KIAA1549L: variants seen among roughly 807,000 people sequenced by gnomAD.
KIAA1549L encodes the protein KIAA1549 like.
A neutral mutation model predicts 160.7 loss-of-function variants in KIAA1549L; 88 were observed. That is an observed-to-expected ratio of 0.55 (90% CI 0.46 to 0.65). The LOEUF is 0.65. KIAA1549L is among the 30% of genes least tolerant of loss of function. The probability of loss-of-function intolerance (pLI) is 0.00; values close to 1 mark genes in which losing one functional copy is unlikely to be tolerated. For synonymous variants in KIAA1549L, 950 were observed against 976.7 expected, an observed-to-expected ratio of 0.97 and a Z score of 0.51; for missense variants, 2,258 against 2,437.5, an observed-to-expected ratio of 0.93 and a Z score of 1.55.
At chr11:33,562,141 A>G (rs1403314292) in intron 8 of KIAA1549L, among the ~76,000 whole-genome samples, 2 of 152,234 alleles carry the variant, frequency 1.3e-5, no homozygotes, top group East Asian at 3.9e-4. Context: ...CTCTGGCACA[A>G]CATGTACCCA....
At chr11:33,655,403 C>A (rs1852030565) in intron 17 of KIAA1549L, among the ~76,000 whole-genome samples, 1 of 152,160 alleles carries the variant, frequency 6.6e-6, no homozygotes, top group African/African-American at 2.4e-5. Flanking sequence ...CACATACGTC[C>A]TCACTCCAAA....
At chr11:33,442,502 G>T (rs1327577111) in intron 1 of KIAA1549L, among the ~76,000 whole-genome samples, 1 of 152,176 alleles carries the variant, frequency 6.6e-6, no homozygotes, top group Non-Finnish European at 1.5e-5. Context: ...ACTCTTTGAA[G>T]ATGTATTTTT....
In KIAA1549L at chr11:33,532,006, G is replaced by A. The variant is rs148735291; in HGVS notation, c.239-9796G>A. 3.5e-4 allele frequency among the ~76,000 whole-genome samples: 54 copies of A among 152,274 alleles called. No homozygotes were observed. In the Middle Eastern group the frequency reaches 0.017, roughly 48 times the overall value. On this transcript the variant is annotated intron_variant, in intron 1 of 20. Transcript: ENST00000658780. ...AGACCACTCTGGGAGAGTGGAGCCC[G>A]CCCCAGATCTGGAGATGGAGGAAGA... is the stretch of plus-strand genomic sequence containing the variant.
chr11:33,472,346 C>T (rs1433332794), intron 1 of KIAA1549L, among the ~76,000 whole-genome samples: 1 of 147,478 alleles, frequency 6.8e-6, no homozygotes, highest in Non-Finnish European at 1.5e-5. Context: ...GTCTCAAACT[C>T]CTGGCCTCAA....
intron 6 of KIAA1549L, among the ~76,000 whole-genome samples, chr11:33,552,613 A>G (rs1365549515): frequency 1.1e-4 from 17 of 149,664 alleles, no homozygotes; most frequent in Admixed American, 1.1e-3. Context: ...GATTTTATGC[A>G]TTGGCTTATA....
chr11:33,614,460 T>G (rs10836081), intron 15 of KIAA1549L, among the ~76,000 whole-genome samples: 48,233 of 138,434 alleles, frequency 0.35, 8,899 homozygotes, highest in Middle Eastern at 0.52. Flanking sequence ...CCAAAAGTAT[T>G]CAATCAAAAT....
intron 13 of KIAA1549L, among the ~76,000 whole-genome samples, chr11:33,600,000 T>C (rs1190009866): frequency 6.6e-6 from 1 of 152,158 alleles, no homozygotes; most frequent in African/African-American, 2.4e-5. Flanking sequence ...CACTTTTATT[T>C]TTTTTTTCCG....
intron 8 of KIAA1549L, among the ~76,000 whole-genome samples, chr11:33,562,754 C>T (rs1275006789): frequency 6.6e-6 from 1 of 150,628 alleles, no homozygotes; most frequent in Non-Finnish European, 1.5e-5. Context: ...TCTCGGCTCA[C>T]TGCAACCTCC....
intron 1 of KIAA1549L, among the ~76,000 whole-genome samples, chr11:33,455,636 G>T (rs1851806893): frequency 6.6e-6 from 1 of 152,146 alleles, no homozygotes; most frequent in African/African-American, 2.4e-5. Context: ...ATGATTTCCT[G>T]GGTATAATGT....
chr11:33,509,059 T>C (rs368301114), intron 1 of KIAA1549L, among the ~76,000 whole-genome samples: 2 of 152,314 alleles, frequency 1.3e-5, no homozygotes, highest in South Asian at 4.1e-4. Flanking sequence ...TCTGTGACCT[T>C]GACATCCTAA....
intron 1 of KIAA1549L, among the ~76,000 whole-genome samples, chr11:33,511,107 A>G (rs1853218505): frequency 6.6e-6 from 1 of 152,212 alleles, no homozygotes; most frequent in African/African-American, 2.4e-5. Context: ...AGCCAATCAG[A>G]TGTACTTCTG....
chr11:33,653,968 T>A (rs915519850), intron 17 of KIAA1549L, among the ~76,000 whole-genome samples: 4 of 143,954 alleles, frequency 2.8e-5, no homozygotes, highest in African/African-American at 1.0e-4. Flanking sequence ...ATCTGTCTGG[T>A]CAATTATTAT....
In KIAA1549L at chr11:33,552,149, A is replaced by G. The variant is rs776073749; in HGVS notation, c.3763A>G (p.Lys1255Glu). ...VSQADNIQSCKFAQTMEQRLQ... is the reference protein window; with the variant it reads ...VSQADNIQSCEFAQTMEQRLQ... ...CCAAGCGGACAACATACAGTCCTGC[A>G]AGTTTGCTCAGACAATGGAACAGAG... The change falls in exon 6 of 21, where the codon AAG becomes GAG. Residue 1255 changes from lysine (K) to glutamate (E), a missense_variant. Coordinates refer to ENST00000658780, the MANE Select transcript of KIAA1549L (RefSeq NM_012194.3). The G allele has an allele frequency of 3.1e-6, 5 of 1,613,328 alleles. No homozygotes were observed. The highest frequency in any genetic ancestry group is 4.2e-6 in the Non-Finnish European group (5 of 1,179,650).
chr11:33,524,263 T>A (rs1481619979), intron 1 of KIAA1549L, among the ~76,000 whole-genome samples: 1 of 152,168 alleles, frequency 6.6e-6, no homozygotes, highest in African/African-American at 2.4e-5. Flanking sequence ...TCGCTCATAA[T>A]TATTTTATTT....
At chr11:33,607,296 T>G (rs1850532089) in intron 14 of KIAA1549L, among the ~76,000 whole-genome samples, 1 of 152,126 alleles carries the variant, frequency 6.6e-6, no homozygotes, top group African/African-American at 2.4e-5. Flanking sequence ...TTGAGCAAAC[T>G]TGAAACAACT....
intron 1 of KIAA1549L, among the ~76,000 whole-genome samples, chr11:33,398,097 T>C (rs1293000980): frequency 6.6e-6 from 1 of 151,608 alleles, no homozygotes; most frequent in Non-Finnish European, 1.5e-5. Flanking sequence ...AATTTTTGTA[T>C]TTTTAGTAGA....
intron 1 of KIAA1549L, among the ~76,000 whole-genome samples, chr11:33,477,515 A>G (rs986392218): frequency 2.7e-5 from 4 of 149,946 alleles, no homozygotes; most frequent in Non-Finnish European, 5.9e-5. Flanking sequence ...ACGCACACAC[A>G]CACAAACACA....
At chr11:33,407,080 C>CTTTTTTTT (rs1491483483) in intron 1 of KIAA1549L, among the ~76,000 whole-genome samples, 1 of 79,580 alleles carries the variant, frequency 1.3e-5, no homozygotes. Context: ...TTTCTTTTTT[C>CTTTTTTTT]ATTTTTTTTT....
chr11:33,618,782 A>C, intron 16 of KIAA1549L, 120 bp downstream of exon 16: 1 of 1,006,910 alleles, frequency 9.9e-7, no homozygotes, highest in Non-Finnish European at 1.4e-6. Flanking sequence ...AAGCACTAAA[A>C]TGTTTTCTAT....
Sources: allele counts gnomAD v4.1 joint callset (sites outside exome capture counted in the v4.1 genomes callset), GRCh38; gene constraint gnomAD v4.1.1; transcripts MANE v1.5; gene names NCBI Gene and HGNC (gene_info 2026-07-23, HGNC 2026-07-21).